The following LRMDA variants were observed in gnomAD, a reference collection of about 807,000 sequenced individuals.
LRMDA encodes the protein leucine rich melanocyte differentiation associated.
A neutral mutation model predicts 29.8 loss-of-function variants in LRMDA; 18 were observed. The ratio of observed to expected loss-of-function variants is 0.60; its 90% confidence interval spans 0.42 to 0.90. LRMDA has a LOEUF of 0.90. Among genes scored for constraint, LRMDA ranks in the 40% least tolerant of loss-of-function variants. The pLI, the probability that LRMDA is intolerant of heterozygous loss-of-function variation, is 0.00. For missense variants in LRMDA, 273 were observed against 273.9 expected (o/e 1.00, Z 0.02); for synonymous variants, 125 against 109.4 (o/e 1.14, Z -0.89).
Position 76,499,634 on chromosome 10 carries a change from G to C in LRMDA, c.602-57575G>C, listed in dbSNP as rs1189050989. The stretch of plus-strand genomic sequence containing the variant: ...CTCCCAGATTTCCCAGTTATTAACA[G>C]CTTATATAATCACAGTACAATGATC... On this transcript the variant is annotated intron_variant, in intron 6 of 6. Coordinates refer to ENST00000611255, the MANE Select transcript of LRMDA (RefSeq NM_001305581.2). Among the ~76,000 whole-genome samples the C allele has an allele frequency of 2.7e-5, 2 of 74,210 alleles. 1 individual carries two copies. The highest frequency in any genetic ancestry group is 5.1e-4 in the East Asian group (2 of 3,954). The allele number at this position is 74,210 out of a possible 152,430, so 48.7% of individuals were successfully genotyped here.
chr10:75,591,356 A>T (rs1216082040), intron 2 of LRMDA, among the ~76,000 whole-genome samples: 1 of 152,240 alleles, frequency 6.6e-6, no homozygotes, highest in Non-Finnish European at 1.5e-5. Flanking sequence ...AATAGCAGTT[A>T]AAAACAGATG....
chr10:75,809,998 C>T (rs1269980025), intron 2 of LRMDA, among the ~76,000 whole-genome samples: 1 of 152,164 alleles, frequency 6.6e-6, no homozygotes, highest in Admixed American at 6.5e-5. Flanking sequence ...ATGCTGGTTG[C>T]ATTCTCATGA....
chr10:76,461,747 T>G (rs1489376749), intron 6 of LRMDA, among the ~76,000 whole-genome samples: 1 of 151,838 alleles, frequency 6.6e-6, no homozygotes, highest in Non-Finnish European at 1.5e-5. Flanking sequence ...ACTCAAAGGG[T>G]GTTTTACACA....
At chr10:76,445,528 G>A (rs146958103) in intron 6 of LRMDA, among the ~76,000 whole-genome samples, 331 of 152,310 alleles carry the variant, frequency 2.2e-3, no homozygotes, top group African/African-American at 7.0e-3. Context: ...TTCTTCATTT[G>A]CCAGAGTTAA....
chr10:76,084,335 T>C (rs1849098319), intron 5 of LRMDA, among the ~76,000 whole-genome samples: 2 of 150,314 alleles, frequency 1.3e-5, no homozygotes, highest in South Asian at 4.2e-4. Flanking sequence ...GTAGCTGGGG[T>C]TATGGGTATG....
chr10:75,871,932 A>G (rs550547809), intron 2 of LRMDA, among the ~76,000 whole-genome samples: 3 of 152,352 alleles, frequency 2.0e-5, no homozygotes, highest in East Asian at 3.9e-4. Context: ...AGGCAAATGT[A>G]TATTTTTAGT....
At chr10:75,574,009 A>T (rs1840470457) in intron 2 of LRMDA, among the ~76,000 whole-genome samples, 1 of 151,622 alleles carries the variant, frequency 6.6e-6, no homozygotes, top group African/African-American at 2.4e-5. Context: ...GCCCAGAGGC[A>T]TGAGAAACAG....
At chr10:75,940,277 G>A (rs761638572) in intron 2 of LRMDA, among the ~76,000 whole-genome samples, 7 of 152,104 alleles carry the variant, frequency 4.6e-5, no homozygotes, top group South Asian at 4.2e-4. Flanking sequence ...TGGGAAGGGC[G>A]TGTTGATAAC....
chr10:76,088,137 G>GA (rs1387317990), intron 5 of LRMDA, among the ~76,000 whole-genome samples: 1 of 152,076 alleles, frequency 6.6e-6, no homozygotes, highest in Non-Finnish European at 1.5e-5. Flanking sequence ...CACACAAAAA[G>GA]AACTCTAACC....
chr10:76,192,424 G>A (rs1296407797), intron 5 of LRMDA, among the ~76,000 whole-genome samples: 1 of 152,138 alleles, frequency 6.6e-6, no homozygotes, highest in Non-Finnish European at 1.5e-5. Context: ...CCCTCCAAAA[G>A]GCCTGCGACT....
intron 2 of LRMDA, among the ~76,000 whole-genome samples, chr10:75,641,008 G>A (rs1235519001): frequency 3.3e-5 from 5 of 152,164 alleles, no homozygotes; most frequent in Non-Finnish European, 7.3e-5. Context: ...GACAACAGTA[G>A]AATACACCAC....
chr10:76,043,961 C>A (rs905122599), intron 3 of LRMDA, among the ~76,000 whole-genome samples: 1 of 152,194 alleles, frequency 6.6e-6, no homozygotes, highest in African/African-American at 2.4e-5. Flanking sequence ...GAGAGGGCTT[C>A]CCTCAGTCGT....
intron 2 of LRMDA, among the ~76,000 whole-genome samples, chr10:75,827,169 T>G (rs1224607206): frequency 6.6e-6 from 1 of 152,190 alleles, no homozygotes; most frequent in Non-Finnish European, 1.5e-5. Flanking sequence ...TTGTGCGTGC[T>G]CAGGGGACTG....
At chr10:76,238,516 G>A (rs1325853829) in intron 5 of LRMDA, among the ~76,000 whole-genome samples, 2 of 150,132 alleles carry the variant, frequency 1.3e-5, no homozygotes, top group African/African-American at 4.9e-5. Flanking sequence ...TTCTCCTCAG[G>A]TGTCTATTGC....
chr10:75,451,484 A>G (rs1318179383), intron 2 of LRMDA: 4 of 152,248 alleles, frequency 2.6e-5, no homozygotes, highest in African/African-American at 9.6e-5. Flanking sequence ...AGTAATTAAC[A>G]TAATTGTAGT....
intron 2 of LRMDA, among the ~76,000 whole-genome samples, chr10:75,615,635 T>C (rs937324604): frequency 4.6e-5 from 7 of 152,222 alleles, no homozygotes; most frequent in African/African-American, 1.7e-4. Context: ...GAGTACTTAT[T>C]CTAATGGAAA....
chr10:76,074,935 T>G (rs1279886445), intron 5 of LRMDA, among the ~76,000 whole-genome samples: 2 of 152,128 alleles, frequency 1.3e-5, no homozygotes, highest in African/African-American at 4.8e-5. Flanking sequence ...CTAGGCTTCT[T>G]CCATGCAATG....
intron 2 of LRMDA, among the ~76,000 whole-genome samples, chr10:75,523,102 T>C (rs1468364403): frequency 3.3e-5 from 5 of 152,246 alleles, no homozygotes; most frequent in Admixed American, 3.3e-4. Context: ...CTTATATCAT[T>C]TGCCCTCTTT....
At chr10:75,641,327 G>T (rs1017017227) in intron 2 of LRMDA, among the ~76,000 whole-genome samples, 2 of 151,958 alleles carry the variant, frequency 1.3e-5, no homozygotes, top group Non-Finnish European at 2.9e-5. Flanking sequence ...TACAGAAGGT[G>T]TATCTGTGTG....
Sources: allele counts gnomAD v4.1 joint callset (sites outside exome capture counted in the v4.1 genomes callset), GRCh38; gene constraint gnomAD v4.1.1; transcripts MANE v1.5; gene names NCBI Gene and HGNC (gene_info 2026-07-23, HGNC 2026-07-21).